KCTD1: variants seen among roughly 807,000 people sequenced by gnomAD.
The protein encoded by KCTD1 is potassium channel tetramerization domain containing 1, also known as BTB/POZ domain-containing protein KCTD1.
In KCTD1, 24 loss-of-function variants were observed where a neutral mutation model predicts 66.0. The ratio of observed to expected loss-of-function variants is 0.36; its 90% CI spans 0.26 to 0.51. The LOEUF is 0.51. KCTD1 is among the 20% of genes least tolerant of loss of function. The pLI is 0.95. For missense variants in KCTD1, 943 were observed against 1,205.2 expected (o/e 0.78, Z 3.22); for synonymous variants, 511 against 517.2 (o/e 0.99, Z 0.16).
intron 1 of KCTD1, among the ~76,000 whole-genome samples, chr18:26,519,038 G>T (rs137894836): frequency 2.7e-3 from 404 of 152,254 alleles, no homozygotes; most frequent in African/African-American, 9.2e-3. Context: ...CTAATTACAA[G>T]AATAATATGT....
At chr18:26,553,015 G>T (rs1353959866), upstream of KCTD1, among the ~76,000 whole-genome samples, 5 of 147,734 alleles carry the variant, frequency 3.4e-5, no homozygotes, top group Non-Finnish European at 3.0e-5. Flanking sequence ...TTTTGAGACA[G>T]GGTCTTACTC....
In KCTD1 at chr18:26,583,289, G is replaced by T. The variant is rs577290326; in HGVS notation, c.-16+45858C>A. Among the ~76,000 whole-genome samples, 25 of 150,612 alleles carry T rather than the reference G, an allele frequency of 1.7e-4. 1 individual carries two copies. The South Asian group carries it at 4.8e-3, about 29-fold the overall frequency. On this transcript the variant is annotated intron_variant, in intron 1 of 4. Coordinates refer to the KCTD1 transcript ENST00000317932. Reference sequence around the variant, plus strand: ...GGCGCCTGTAATCCCAGCTACTCAGGAGGCTGAGGCAGGAGAATCACTTGA... The same window carrying T: ...GGCGCCTGTAATCCCAGCTACTCAGTAGGCTGAGGCAGGAGAATCACTTGA...
chr18:26,584,925 T>C (rs1457756145), intron 1 of KCTD1, among the ~76,000 whole-genome samples: 2 of 152,086 alleles, frequency 1.3e-5, no homozygotes, highest in East Asian at 1.9e-4. Context: ...CAGCTCCCTG[T>C]AGGAGGAGCA....
At chr18:26,601,326 T>TAAAAAAAAAAAAAA (rs61521451) in intron 1 of KCTD1, among the ~76,000 whole-genome samples, 6 of 93,262 alleles carry the variant, frequency 6.4e-5, no homozygotes, top group African/African-American at 2.6e-4. Context: ...TGTTCATTGG[T>TAAAAAAAAAAAAAA]AAAAAAAAAA....
intron 1 of KCTD1, chr18:26,599,911 T>A (rs1479889898): frequency 6.4e-7 from 1 of 1,564,344 alleles, no homozygotes; most frequent in Non-Finnish European, 8.8e-7. Flanking sequence ...TGAAGTGGGT[T>A]CTTCTAGTCA....
At chr18:26,568,660 T>TA (rs1986037890) in intron 1 of KCTD1, among the ~76,000 whole-genome samples, 2 of 152,082 alleles carry the variant, frequency 1.3e-5, no homozygotes, top group African/African-American at 4.8e-5. Flanking sequence ...ATAGTACAAA[T>TA]AAAAAATAAA....
chr18:26,455,726 A>T lies in KCTD1; in HGVS notation c.*17T>A, dbSNP rs202064095. ...TGGTTGTGTGTGTTTTCCTTTTTGC[A>T]TAAGAAATATGTCCATTTAGTCCAG... On this transcript the variant is annotated 3_prime_UTR_variant, in exon 5 of 5. Transcript: ENST00000580059. The T allele has an allele frequency of 1.6e-4, 259 of 1,613,448 alleles. No homozygotes were observed. Among genetic ancestry groups the T allele is most frequent in the Non-Finnish European group, 2.0e-4 (239 of 1,179,908 alleles).
intron 1 of KCTD1, among the ~76,000 whole-genome samples, chr18:26,537,504 T>G (rs1443236325): frequency 1.3e-5 from 2 of 152,196 alleles, no homozygotes; most frequent in Non-Finnish European, 2.9e-5. Flanking sequence ...AGCGATAATG[T>G]ATCAAAATAC....
intron 1 of KCTD1, among the ~76,000 whole-genome samples, chr18:26,541,613 AGAAAGTGTT>A (rs1338871887): frequency 1.3e-5 from 2 of 152,224 alleles, no homozygotes; most frequent in Non-Finnish European, 2.9e-5. Flanking sequence ...CTGGCTGTAA[AGAAAGTGTT>A]GAAAGGAATT....
At chr18:26,497,870 G>C (rs973810283) in intron 2 of KCTD1, among the ~76,000 whole-genome samples, 1 of 152,202 alleles carries the variant, frequency 6.6e-6, no homozygotes, top group Non-Finnish European at 1.5e-5. Flanking sequence ...GGAGGAGAAG[G>C]TGCAGGCCAG....
Position 26,647,339 on chromosome 18 carries a change from C to CCT in KCTD1, c.9+10020_9+10021insAG, listed in dbSNP as rs1555649525. Among the ~76,000 whole-genome samples the CCT allele has an allele frequency of 3.3e-5, 5 of 149,498 alleles. 1 individual carries two copies. The South Asian group carries it at 6.6e-4, about 20-fold the overall frequency. Reference sequence around the variant, plus strand: ...CTGGCCAAGATAGTGAAACCCCCCCCCCATCTCTACTAAAAATACAAAAAT... The same window carrying CCT: ...CTGGCCAAGATAGTGAAACCCCCCCCCTCCATCTCTACTAAAAATACAAAAAT... On this transcript the variant is annotated intron_variant, in intron 1 of 4. Coordinates refer to the KCTD1 transcript ENST00000580191.
intron 1 of KCTD1, among the ~76,000 whole-genome samples, chr18:26,561,482 T>C (rs1357855069): frequency 6.6e-6 from 1 of 152,142 alleles, no homozygotes; most frequent in African/African-American, 2.4e-5. Flanking sequence ...AGATATATGT[T>C]CTGGGTCTCT....
At chr18:26,656,751 G>A (rs1555650277) in intron 1 of KCTD1, among the ~76,000 whole-genome samples, 1 of 151,198 alleles carries the variant, frequency 6.6e-6, no homozygotes, top group Non-Finnish European at 1.5e-5. Flanking sequence ...CGCAGCCCCG[G>A]GCGCCGCCGC....
chr18:26,537,675 A>C (rs2144799144), intron 1 of KCTD1, among the ~76,000 whole-genome samples: 1 of 152,366 alleles, frequency 6.6e-6, no homozygotes, highest in South Asian at 2.1e-4. Context: ...ATCATAACAC[A>C]GGCTCTAGCC....
chr18:26,548,440 C>A lies in KCTD1; in HGVS notation c.97G>T (p.Glu33Ter). Residue 33 changes from glutamate (E) to a stop codon, truncating the protein, a stop_gained, in exon 1 of 5, where the codon GAG (glutamate) becomes TAG (stop). Coordinates refer to ENST00000580059, the MANE Select transcript of KCTD1 (RefSeq NM_001142730.3). LOFTEE classifies it high-confidence loss of function. ...AAAENNGERG[E>*]GERGAGGRGR... ...CGGCCCCCCGCGCCGCGCTCGCCCT[C>A]GCCCCGCTCCCCATTGTTCTCGGCG... 7.3e-7 allele frequency: 1 copy of A among 1,370,194 alleles called. No homozygotes were observed. Among genetic ancestry groups the A allele is most frequent in the African/African-American group, 1.5e-5 (1 of 66,266 alleles). The allele number at this position is 1,370,194 out of a possible 1,614,324, so 84.9% of individuals were successfully genotyped here.
intron 1 of KCTD1, among the ~76,000 whole-genome samples, chr18:26,655,545 C>A (rs1988114669): frequency 6.6e-6 from 1 of 152,228 alleles, no homozygotes; most frequent in South Asian, 2.1e-4. Flanking sequence ...TACCAAATTA[C>A]TCCTGCCTAC....
At chr18:26,566,036 C>T (rs1302289924) in intron 1 of KCTD1, 1 of 151,956 alleles carries the variant, frequency 6.6e-6, no homozygotes, top group African/African-American at 2.4e-5. Context: ...AAGCTGAACC[C>T]TATGGGATTC....
At chr18:26,645,075 G>T (rs1051328233), upstream of KCTD1, among the ~76,000 whole-genome samples, 1 of 152,170 alleles carries the variant, frequency 6.6e-6, no homozygotes, top group African/African-American at 2.4e-5. Context: ...GAGTTAAATT[G>T]TACTGACAGA....
At chr18:26,467,825 A>T (rs1980830047) in intron 3 of KCTD1, among the ~76,000 whole-genome samples, 2 of 152,020 alleles carry the variant, frequency 1.3e-5, no homozygotes, top group African/African-American at 2.4e-5. Context: ...AAAAAAACCA[A>T]TTTTTTTTAA....
Sources: allele counts gnomAD v4.1 joint callset (sites outside exome capture counted in the v4.1 genomes callset), GRCh38; gene constraint gnomAD v4.1.1; transcripts MANE v1.5; gene names NCBI Gene and HGNC (gene_info 2026-07-23, HGNC 2026-07-21).